Variants in ITPR1 observed in about 807,000 individuals in gnomAD.
ITPR1 encodes inositol 1,4,5-trisphosphate receptor type 1, also known as inositol 1,4,5-trisphosphate-gated calcium channel ITPR1.
A neutral mutation model predicts 318.4 loss-of-function variants in ITPR1; 96 were observed. The ratio of observed to expected loss-of-function variants is 0.30; its 90% CI spans 0.26 to 0.36. The LOEUF is 0.36. Among genes scored for constraint, ITPR1 ranks in the 10% least tolerant of loss-of-function variants. The pLI, the probability that ITPR1 is intolerant of heterozygous loss-of-function variation, is 1.00. For missense variants in ITPR1, 2,440 were observed against 3,460.2 expected (o/e 0.71, Z 7.40); for synonymous variants, 1,312 against 1,289.9 (o/e 1.02, Z -0.37).
chr3:4,688,656 G>A (rs756353632), intron 31 of ITPR1, 36 bp downstream of exon 31: 2 of 1,598,414 alleles, frequency 1.3e-6, no homozygotes, highest in Non-Finnish European at 1.7e-6. Context: ...TCTATAGAGG[G>A]AGGAGGGCAG....
rs149732392 is a variant in ITPR1 at position 4,640,093 on chromosome 3, G to A, written c.366+623G>A. The stretch of plus-strand genomic sequence containing the variant: ...CCATGCCAGTCTTGCAGGAAGCCCA[G>A]GGCCACATGTGGCTTTCTTGATTTG... On this transcript the variant is annotated intron_variant, in intron 6 of 61. Transcript: ENST00000649015. 7.2e-4 allele frequency among the ~76,000 whole-genome samples: 109 copies of A among 152,298 alleles called. 1 individual carries two copies. Among genetic ancestry groups the A allele is most frequent in the African/African-American group, 2.5e-3 (102 of 41,572 alleles).
intron 2 of ITPR1, among the ~76,000 whole-genome samples, chr3:4,496,285 T>G (rs2080559203): frequency 6.6e-6 from 1 of 151,258 alleles, no homozygotes; most frequent in South Asian, 2.1e-4. Context: ...TGTGCAGACG[T>G]TTTTGTTCTC....
intron 36 of ITPR1, among the ~76,000 whole-genome samples, chr3:4,704,239 C>G (rs2094712067): frequency 1.3e-5 from 2 of 152,170 alleles, no homozygotes; most frequent in African/African-American, 4.8e-5. Flanking sequence ...ATGGAGAAAC[C>G]CCATCTCTAC....
intron 42 of ITPR1, 133 bp downstream of exon 42, chr3:4,727,306 T>C (rs2042587175): frequency 3.3e-6 from 2 of 610,076 alleles, no homozygotes; most frequent in Non-Finnish European, 5.5e-6. Context: ...TCAAGAGCAA[T>C]CACAGCCATG....
At chr3:4,648,741 C>T (rs967968917) in intron 10 of ITPR1, among the ~76,000 whole-genome samples, 3 of 152,140 alleles carry the variant, frequency 2.0e-5, no homozygotes, top group African/African-American at 4.8e-5. Context: ...ACCCGGGAGG[C>T]GGAGGTTGCA....
intron 23 of ITPR1, among the ~76,000 whole-genome samples, chr3:4,675,961 C>T (rs1445928336): frequency 6.6e-6 from 1 of 152,070 alleles, no homozygotes; most frequent in Admixed American, 6.5e-5. Context: ...TAGTATGGTG[C>T]ACCTAAGGTC....
chr3:4,831,730 C>T (rs930780255), intron 60 of ITPR1, among the ~76,000 whole-genome samples: 2 of 152,218 alleles, frequency 1.3e-5, no homozygotes, highest in African/African-American at 2.4e-5. Flanking sequence ...GGCCTTCAGA[C>T]GCTGGCTGGC....
At chr3:4,576,048 G>C (rs2088621841) in intron 4 of ITPR1, among the ~76,000 whole-genome samples, 1 of 151,830 alleles carries the variant, frequency 6.6e-6, no homozygotes, top group African/African-American at 2.4e-5. Flanking sequence ...AATGTGGCTG[G>C]TGATAAGAGA....
At chr3:4,741,725 C>G (rs1328984286) in intron 44 of ITPR1, among the ~76,000 whole-genome samples, 1 of 152,136 alleles carries the variant, frequency 6.6e-6, no homozygotes, top group Non-Finnish European at 1.5e-5. Context: ...TTTGCCTCTG[C>G]TGGAAATGGA....
intron 55 of ITPR1, among the ~76,000 whole-genome samples, chr3:4,808,054 C>G (rs2048701379): frequency 6.6e-6 from 1 of 152,254 alleles, no homozygotes; most frequent in Admixed American, 6.5e-5. Flanking sequence ...GTCCTCTTCT[C>G]TTCATCACTT....
At chr3:4,626,150 TAA>T (rs776106636) in intron 4 of ITPR1, among the ~76,000 whole-genome samples, 1 of 149,528 alleles carries the variant, frequency 6.7e-6, no homozygotes, top group African/African-American at 2.5e-5. Context: ...CCTATCTCTT[TAA>T]AAAAAAAATT....
intron 17 of ITPR1, among the ~76,000 whole-genome samples, chr3:4,666,073 T>C (rs1003650186): frequency 6.6e-6 from 1 of 152,090 alleles, no homozygotes; most frequent in African/African-American, 2.4e-5. Context: ...GCCTAAAATG[T>C]CAGTAGTGCT....
At chr3:4,711,449 G>A (rs1559749542) in intron 38 of ITPR1, 1 of 237,220 alleles carries the variant, frequency 4.2e-6, no homozygotes, top group Admixed American at 5.3e-5. Context: ...AAATAGCCAC[G>A]CTTTATAAAC....
intron 61 of ITPR1, among the ~76,000 whole-genome samples, chr3:4,837,179 A>T (rs575865608): frequency 6.6e-6 from 1 of 152,156 alleles, no homozygotes; most frequent in Non-Finnish European, 1.5e-5. Flanking sequence ...TTTTAATATG[A>T]AAAACAAAAC....
At chr3:4,571,338 C>T (rs565996093) in intron 4 of ITPR1, among the ~76,000 whole-genome samples, 11 of 151,874 alleles carry the variant, frequency 7.2e-5, no homozygotes. Flanking sequence ...TCTTCTCTTC[C>T]CTTTTTTTCT....
chr3:4,787,802 T>G, intron 51 of ITPR1, 145 bp from the exon 52 acceptor site: 3 of 574,078 alleles, frequency 5.2e-6, no homozygotes, highest in Non-Finnish European at 9.2e-6. Context: ...TATATAAATC[T>G]GAGACACACA....
At chr3:4,524,218 G>T (rs2082786503) in intron 4 of ITPR1, among the ~76,000 whole-genome samples, 1 of 149,234 alleles carries the variant, frequency 6.7e-6, no homozygotes, top group Non-Finnish European at 1.5e-5. Flanking sequence ...GGAAAGATCT[G>T]CTTCTCCACC....
intron 44 of ITPR1, among the ~76,000 whole-genome samples, chr3:4,747,114 T>C (rs921885462): frequency 6.6e-6 from 1 of 152,234 alleles, no homozygotes; most frequent in Non-Finnish European, 1.5e-5. Context: ...GGGAAATACA[T>C]GTCAACTTGG....
At chr3:4,820,664 A>G (rs529093289) in intron 60 of ITPR1, among the ~76,000 whole-genome samples, 16 of 152,358 alleles carry the variant, frequency 1.1e-4, no homozygotes, top group African/African-American at 3.6e-4. Flanking sequence ...ATCTTACAGC[A>G]TCAAGGAATT....
Sources: gnomAD v4.1 joint callset for allele counts (sites outside exome capture counted in the v4.1 genomes callset) on GRCh38, gnomAD v4.1.1 for gene constraint, MANE v1.5 for transcripts, NCBI Gene and HGNC (gene_info 2026-07-23, HGNC 2026-07-21) for gene names.